The following GARNL3 variants were observed in gnomAD, a reference collection of about 807,000 sequenced individuals.
GARNL3 encodes GTPase-activating Rap/Ran-GAP domain-like protein 3.
Under a neutral mutation model 125.0 loss-of-function variants are expected in GARNL3, and 63 were observed. That is an observed-to-expected ratio of 0.50 (90% CI 0.41 to 0.62). The LOEUF (loss-of-function observed/expected upper bound fraction) is 0.62. Among genes scored for constraint, GARNL3 ranks in the 20% least tolerant of loss-of-function variants. The pLI, the probability that GARNL3 is intolerant of heterozygous loss-of-function variation, is 0.00. For synonymous variants in GARNL3, 439 were observed against 457.5 expected, an observed-to-expected ratio of 0.96 and a Z score of 0.52; for missense variants, 994 against 1,244.0, an observed-to-expected ratio of 0.80 and a Z score of 3.02.
chr9:127,255,093 C>T (rs958296112), intron 2 of GARNL3, among the ~76,000 whole-genome samples: 11 of 152,166 alleles, frequency 7.2e-5, no homozygotes, highest in Non-Finnish European at 1.5e-5. Flanking sequence ...GCAAATGTGA[C>T]ACTATGTAGA....
chr9:127,342,430 T>C, intron 14 of GARNL3, 96 bp downstream of exon 14: 2 of 808,606 alleles, frequency 2.5e-6, no homozygotes, highest in Non-Finnish European at 4.3e-6. Context: ...GAGAAAAGCG[T>C]AGGAGGCGCC....
At chr9:127,238,769 GA>G (rs113358726) in intron 1 of GARNL3, among the ~76,000 whole-genome samples, 25,068 of 152,060 alleles carry the variant, frequency 0.16, 6,356 homozygotes, top group African/African-American at 0.55. Flanking sequence ...GCTCCCTGTG[GA>G]AACCTGATCT....
At chr9:127,272,027 G>A (rs534917136) in intron 1 of GARNL3, among the ~76,000 whole-genome samples, 34 of 150,440 alleles carry the variant, frequency 2.3e-4, no homozygotes, top group African/African-American at 3.0e-4. Flanking sequence ...TGGCTGTACC[G>A]TCTAATAACT....
At chr9:127,297,109 C>A (rs990291625) in intron 2 of GARNL3, among the ~76,000 whole-genome samples, 6 of 152,106 alleles carry the variant, frequency 3.9e-5, no homozygotes, top group Non-Finnish European at 5.9e-5. Context: ...TTTTATTGAA[C>A]ATAATTCACC....
intron 1 of GARNL3, among the ~76,000 whole-genome samples, chr9:127,233,275 T>C (rs2063051992): frequency 6.6e-6 from 1 of 152,162 alleles, no homozygotes; most frequent in Non-Finnish European, 1.5e-5. Context: ...ATTCATTGGC[T>C]CTCTTGGGTT....
At position 127,318,136 on chromosome 9, in the gene GARNL3, T is replaced by C. The variant is rs1418198669; in HGVS notation, c.503+9T>C. Reference sequence around the variant, plus strand: ...GTGAAGTCCATCTTAAGGTGAGTTCTAATGGGTAGAAACCCCACACATGGA... The same window carrying C: ...GTGAAGTCCATCTTAAGGTGAGTTCCAATGGGTAGAAACCCCACACATGGA... On this transcript the variant is annotated intron_variant, in intron 5 of 27. Transcript: ENST00000373387. 3 of 1,543,888 alleles carry C rather than the reference T, an allele frequency of 1.9e-6. No individual in the cohort carries two copies. The highest frequency in any genetic ancestry group is 2.7e-6 in the Non-Finnish European group (3 of 1,116,012).
chr9:127,295,790 G>A (rs1045334587), intron 2 of GARNL3, among the ~76,000 whole-genome samples: 30 of 152,018 alleles, frequency 2.0e-4, no homozygotes, highest in African/African-American at 7.0e-4. Flanking sequence ...TTAGCACCAG[G>A]GACCAGTTTT....
chr9:127,365,161 G>A (rs1478600434), intron 21 of GARNL3, 139 bp from the exon 22 acceptor site: 5 of 687,350 alleles, frequency 7.3e-6, no homozygotes, highest in Non-Finnish European at 1.1e-5. Flanking sequence ...TGCATTGTGG[G>A]TGCTGGTGGG....
At chr9:127,334,727 A>C (rs1185496460) in intron 9 of GARNL3, among the ~76,000 whole-genome samples, 1 of 152,148 alleles carries the variant, frequency 6.6e-6, no homozygotes, top group African/African-American at 2.4e-5. Context: ...TTTTATCCTC[A>C]TTTTCAAATT....
At position 127,266,273 on chromosome 9, in the gene GARNL3, C is replaced by A. The variant is rs191519956; in HGVS notation, c.144+1252C>A. Among the ~76,000 whole-genome samples the A allele has an allele frequency of 2.3e-4, 35 of 152,282 alleles. No individual in the cohort carries two copies. The highest frequency in any genetic ancestry group is 8.2e-4 in the African/African-American group (34 of 41,564). Reference sequence around the variant, plus strand: ...CCATTCTGGCCAGGGGTCTCAGAGACACACCATGGAAGACCTTGCAGAGAG... The same window carrying A: ...CCATTCTGGCCAGGGGTCTCAGAGAAACACCATGGAAGACCTTGCAGAGAG... On this transcript the variant is annotated intron_variant, in intron 1 of 27. Coordinates refer to ENST00000373387, the MANE Select transcript of GARNL3 (RefSeq NM_032293.5). This position sits in a 1 kb window ranked among gnomAD's most constrained non-coding sequence, Gnocchi z 4.0.
Position 127,264,788 on chromosome 9 carries a change from C to G in GARNL3, c.-90C>G. ...CCATGAAAGCCAGGCTCTGCAATGG[C>G]TGCTGGGGACTGTGTCTGTTGCAAG... On this transcript the variant is annotated 5_prime_UTR_variant, in exon 1 of 28. Coordinates refer to ENST00000373387, the MANE Select transcript of GARNL3 (RefSeq NM_032293.5). 7.6e-7 allele frequency: 1 copy of G among 1,315,968 alleles called. No homozygotes were observed. Among genetic ancestry groups the G allele is most frequent in the Non-Finnish European group, 9.8e-7 (1 of 1,023,658 alleles). 81.5% of individuals were successfully genotyped at this position (1,315,968 alleles called of 1,614,324 possible). A position where few individuals can be genotyped will look rare whatever the true frequency, so the allele number is the denominator to read the frequency against.
At chr9:127,252,648 G>T (rs2063426270) in intron 2 of GARNL3, among the ~76,000 whole-genome samples, 1 of 152,170 alleles carries the variant, frequency 6.6e-6, no homozygotes, top group Admixed American at 6.5e-5. Flanking sequence ...CAACATTTAT[G>T]CACATATAAT....
rs139621858 is a variant in GARNL3, at chr9:127,280,373, C to T, written c.145-10795C>T. On this transcript the variant is annotated intron_variant, in intron 1 of 27. Coordinates refer to ENST00000373387, the MANE Select transcript of GARNL3 (RefSeq NM_032293.5). This position sits in a 1 kb window ranked among gnomAD's most constrained non-coding sequence, Gnocchi z 4.5. Reference sequence around the variant, plus strand: ...TTGTCATGAAAAAGAGGTGCTTGTACGAGTGAGGCTACCTCAAAATGCAGT... The same window carrying T: ...TTGTCATGAAAAAGAGGTGCTTGTATGAGTGAGGCTACCTCAAAATGCAGT... Among the ~76,000 whole-genome samples the T allele has an allele frequency of 4.6e-3, 700 of 152,260 alleles. 3 individuals carry two copies. The highest frequency in any genetic ancestry group is 0.01 in the Middle Eastern group (3 of 294).
chr9:127,374,700 A>AT (rs1394395323), intron 22 of GARNL3, among the ~76,000 whole-genome samples: 5 of 152,180 alleles, frequency 3.3e-5, no homozygotes, highest in Non-Finnish European at 5.9e-5. Context: ...GAGGTAGTCC[A>AT]TCAGAGAAGA....
At chr9:127,262,092 C>T (rs2063605539), upstream of GARNL3, among the ~76,000 whole-genome samples, 1 of 152,092 alleles carries the variant, frequency 6.6e-6, no homozygotes. Context: ...TCTATCTTTC[C>T]AGCCTCTGAG....
At chr9:127,302,280 A>G (rs2064820637) in intron 2 of GARNL3, among the ~76,000 whole-genome samples, 1 of 152,072 alleles carries the variant, frequency 6.6e-6, no homozygotes, top group Non-Finnish European at 1.5e-5. Context: ...TATGAAAATT[A>G]CCACAATCTT....
chr9:127,329,312 C>G (rs1488849051), intron 7 of GARNL3, among the ~76,000 whole-genome samples: 3 of 152,092 alleles, frequency 2.0e-5, no homozygotes, highest in African/African-American at 4.8e-5. Flanking sequence ...AGAGTAATTA[C>G]TAATAACATC....
chr9:127,301,611 T>G (rs2064790034), intron 2 of GARNL3, among the ~76,000 whole-genome samples: 1 of 152,192 alleles, frequency 6.6e-6, no homozygotes, highest in East Asian at 1.9e-4. Flanking sequence ...TGAAGGATCT[T>G]GCATTGTCTA....
chr9:127,352,145 C>T (rs1218277308), intron 17 of GARNL3, among the ~76,000 whole-genome samples: 1 of 152,234 alleles, frequency 6.6e-6, no homozygotes, highest in Non-Finnish European at 1.5e-5. Flanking sequence ...GCTGCTCCAA[C>T]ATCCCATTTT....
Sources: allele counts gnomAD v4.1 joint callset (sites outside exome capture counted in the v4.1 genomes callset), GRCh38; gene constraint gnomAD v4.1.1; non-coding constraint Gnocchi (gnomAD v3.1); transcripts MANE v1.5; gene names NCBI Gene and HGNC (gene_info 2026-07-23, HGNC 2026-07-21).